The following ZZEF1 variants were observed in gnomAD, a reference collection of about 807,000 sequenced individuals.
ZZEF1 encodes the protein zinc finger ZZ-type and EF-hand domain-containing protein 1.
A neutral mutation model predicts 342.8 loss-of-function variants in ZZEF1; 157 were observed. The observed-to-expected ratio is 0.46, with a 90% CI of 0.40 to 0.52. The LOEUF is 0.52. Among genes scored for constraint, ZZEF1 ranks in the 20% least tolerant of loss-of-function variants. The probability of loss-of-function intolerance (pLI) is 0.00; values close to 1 mark genes in which losing one functional copy is unlikely to be tolerated. For missense variants in ZZEF1, 3,480 were observed against 3,725.6 expected, an observed-to-expected ratio of 0.93 and a Z score of 1.72; for synonymous variants, 1,505 against 1,429.1, an observed-to-expected ratio of 1.05 and a Z score of -1.20.
At position 4,139,875 on chromosome 17, in the gene ZZEF1, G is replaced by A. The variant is rs191992851; in HGVS notation, c.354+2667C>T. ...GAGTTTTAGCTGAATATATGGCCACGGAAAAAGAATCTTTCCCAGCCTGTC... is the reference window on the plus strand; with the variant it reads ...GAGTTTTAGCTGAATATATGGCCACAGAAAAAGAATCTTTCCCAGCCTGTC... On this transcript the variant is annotated intron_variant, in intron 1 of 54. Coordinates refer to ENST00000381638, the MANE Select transcript of ZZEF1 (RefSeq NM_015113.4). Among the ~76,000 whole-genome samples the A allele has an allele frequency of 1.4e-4, 21 of 152,334 alleles. No individual in the cohort carries two copies. The East Asian group carries it at 2.1e-3, about 15-fold the overall frequency.
chr17:4,131,982 G>A (rs996709203), intron 1 of ZZEF1, among the ~76,000 whole-genome samples: 1 of 152,044 alleles, frequency 6.6e-6, no homozygotes, highest in African/African-American at 2.4e-5. Flanking sequence ...AAATAAAATA[G>A]ATAAAGCCTA....
At chr17:4,036,810 C>CAT (rs1418726307) in intron 39 of ZZEF1, among the ~76,000 whole-genome samples, 1 of 92,982 alleles carries the variant, frequency 1.1e-5, no homozygotes, top group Non-Finnish European at 1.9e-5. Context: ...CACACACACA[C>CAT]ACACACACTC....
chr17:4,131,464 A>C (rs917964419), intron 1 of ZZEF1, among the ~76,000 whole-genome samples: 1 of 131,458 alleles, frequency 7.6e-6, no homozygotes, highest in African/African-American at 2.7e-5. Flanking sequence ...TGTTAACTCC[A>C]AAGAAAATAA....
intron 3 of ZZEF1, among the ~76,000 whole-genome samples, chr17:4,115,820 A>AT (rs562947232): frequency 1.4e-4 from 21 of 151,104 alleles, no homozygotes; most frequent in East Asian, 7.7e-4. Flanking sequence ...CTCTGCTTAT[A>AT]TTTTTTTTTG....
At chr17:4,070,648 CCTT>C in intron 26 of ZZEF1, 33 bp downstream of exon 26, 1 of 1,596,702 alleles carries the variant, frequency 6.3e-7, no homozygotes, top group Non-Finnish European at 8.5e-7. Context: ...TAGCAATTAG[CCTT>C]CAGATCAAAA....
rs145634362 is a variant in ZZEF1 at position 4,119,013 on chromosome 17, T to C, written c.500-1847A>G. On this transcript the variant is annotated intron_variant, in intron 2 of 54. Transcript: ENST00000381638. ...AATATTATGACGTGAAGCTGAAGAG[T>C]TGATGTACCTGAGGTAAGACAGTGA... is the stretch of plus-strand genomic sequence containing the variant. Among the ~76,000 whole-genome samples, 312 of 152,170 alleles carry C rather than the reference T, an allele frequency of 2.1e-3. 1 individual carries two copies. Among genetic ancestry groups the C allele is most frequent in the Non-Finnish European group, 2.7e-3 (181 of 68,004 alleles).
rs755202417 is a variant in ZZEF1 at position 4,064,779 on chromosome 17, C to A, written c.4300G>T (p.Gly1434Cys). The change falls in exon 29 of 55, where the codon GGC (glycine) becomes TGC (cysteine). Residue 1434 changes from glycine to cysteine, a missense_variant. Transcript: ENST00000381638. ...SLLLLKFLPT[G>C]ISSKESCEKL... The stretch of plus-strand genomic sequence containing the variant: ...TCGCAGCTTTCTTTTGAACTTATGC[C>A]CGTGGGCAGAAATTTTAGTAATAGA... The A allele has an allele frequency of 6.2e-7, 1 of 1,610,264 alleles. No homozygotes were observed.
intron 6 of ZZEF1, among the ~76,000 whole-genome samples, chr17:4,107,907 T>C (rs1446129046): frequency 6.6e-6 from 1 of 152,206 alleles, no homozygotes; most frequent in Non-Finnish European, 1.5e-5. Context: ...CTGGAATATC[T>C]TGTGTCAGAA....
At chr17:4,119,613 C>G (rs2058451547) in intron 2 of ZZEF1, among the ~76,000 whole-genome samples, 1 of 152,180 alleles carries the variant, frequency 6.6e-6, no homozygotes, top group Non-Finnish European at 1.5e-5. Context: ...CATTGGAGGT[C>G]AGCCACTCAC....
At chr17:4,103,202 G>A (rs1268814014) in intron 8 of ZZEF1, among the ~76,000 whole-genome samples, 1 of 151,906 alleles carries the variant, frequency 6.6e-6, no homozygotes, top group South Asian at 2.1e-4. Flanking sequence ...TAGATTTACA[G>A]GACACCAATT....
intron 39 of ZZEF1, among the ~76,000 whole-genome samples, chr17:4,035,588 C>T (rs561771757): frequency 6.6e-6 from 1 of 152,266 alleles, no homozygotes; most frequent in South Asian, 2.1e-4. Context: ...AGCTTGGGCT[C>T]CGAGTGAGGT....
chr17:4,035,025 G>GTA (rs371460535), intron 39 of ZZEF1, among the ~76,000 whole-genome samples: 55 of 151,536 alleles, frequency 3.6e-4, no homozygotes, highest in East Asian at 5.8e-4. Flanking sequence ...GTCTGTGTGT[G>GTA]TATATATATA....
Position 4,085,537 on chromosome 17 carries a change from A to G in ZZEF1, c.2646+133T>C, listed in dbSNP as rs550498524. 3.7e-4 allele frequency: 410 copies of G among 1,113,338 alleles called. 2 individuals are homozygous for G. In the South Asian group the frequency reaches 6.4e-3, roughly 17 times the overall value. 69.0% of individuals were successfully genotyped at this position (1,113,338 alleles called of 1,614,324 possible). On this transcript the variant is annotated intron_variant, in intron 16 of 54. Coordinates refer to ENST00000381638, the MANE Select transcript of ZZEF1 (RefSeq NM_015113.4). Reference sequence around the variant, plus strand: ...CCATGTCCTTAGATATCTGTCCCACACAAAGCTCTGCATATAATATTAATA... The same window carrying G: ...CCATGTCCTTAGATATCTGTCCCACGCAAAGCTCTGCATATAATATTAATA...
At chr17:4,040,810 T>C (rs762618002) in intron 39 of ZZEF1, among the ~76,000 whole-genome samples, 13 of 152,132 alleles carry the variant, frequency 8.5e-5, no homozygotes, top group Non-Finnish European at 1.8e-4. Context: ...GGTTATAACA[T>C]AGCTGAGATC....
rs1219291908 is a variant in ZZEF1 at position 4,013,501 on chromosome 17, G to A, written c.8527C>T (p.Arg2843Ter). Residue 2843 changes from arginine to a stop codon, truncating the protein, a stop_gained, in exon 52 of 55, where the codon CGA becomes TGA. Transcript: ENST00000381638. LOFTEE classifies it high-confidence loss of function. Reference protein sequence around the residue: ...GVACRQTGHQRLKAIHLLLRI... With the variant: ...GVACRQTGHQ ...AGAAGTAAGTGGATGGCTTTTAATCGTTGATGGCCAGTCTGGCGACAGGCC... is the reference window on the plus strand; with the variant it reads ...AGAAGTAAGTGGATGGCTTTTAATCATTGATGGCCAGTCTGGCGACAGGCC... The A allele has an allele frequency of 5.0e-6, 8 of 1,613,742 alleles. No individual in the cohort carries two copies. The highest frequency in any genetic ancestry group is 6.8e-6 in the Non-Finnish European group (8 of 1,179,854).
intron 16 of ZZEF1, among the ~76,000 whole-genome samples, chr17:4,084,524 C>G (rs888711122): frequency 3.9e-5 from 6 of 152,158 alleles, no homozygotes; most frequent in Non-Finnish European, 5.9e-5. Context: ...CTTACACTTC[C>G]CTGTGTTTTA....
rs1271475069 is a variant in ZZEF1 at position 4,143,003 on chromosome 17, C to T, written c.-108G>A. 1.9e-5 allele frequency: 24 copies of T among 1,268,762 alleles called. No individual in the cohort carries two copies. The highest frequency in any genetic ancestry group is 2.2e-5 in the Non-Finnish European group (22 of 1,011,964). The allele number at this position is 1,268,762 out of a possible 1,614,324, so 78.6% of individuals were successfully genotyped here. On this transcript the variant is annotated 5_prime_UTR_variant, in exon 1 of 55. Transcript: ENST00000381638. The stretch of plus-strand genomic sequence containing the variant: ...GCGGGCGGGGACGCGGAGGAGACGA[C>T]GGCGGCCCCTGCGGCTTCCGGCTTC...
chr17:4,097,588 T>C (rs1567839259), intron 9 of ZZEF1, among the ~76,000 whole-genome samples: 1 of 151,648 alleles, frequency 6.6e-6, no homozygotes, highest in Admixed American at 6.6e-5. Flanking sequence ...CTGTAAGTTG[T>C]AGAACACTGG....
intron 24 of ZZEF1, 170 bp from the exon 25 acceptor site, chr17:4,072,926 A>G (rs1176195275): frequency 3.3e-6 from 2 of 606,074 alleles, no homozygotes; most frequent in Non-Finnish European, 5.3e-6. Context: ...CATACCACAG[A>G]TTAAGCTAAA....
Sources: allele counts gnomAD v4.1 joint callset (sites outside exome capture counted in the v4.1 genomes callset), GRCh38; gene constraint gnomAD v4.1.1; transcripts MANE v1.5; gene names NCBI Gene and HGNC (gene_info 2026-07-23, HGNC 2026-07-21).